Variants in CTXND2 observed in about 807,000 individuals in gnomAD.
CTXND2 encodes cortexin domain containing 2.
At chr1:150,895,293 C>G (rs1668901910) in intron 1 of CTXND2, among the ~76,000 whole-genome samples, 1 of 151,664 alleles carries the variant, frequency 6.6e-6, no homozygotes, top group South Asian at 2.1e-4. Context: ...TTTTGTCTGC[C>G]CAACATCCAA....
At chr1:150,894,844 T>C (rs1571598059) in intron 1 of CTXND2, among the ~76,000 whole-genome samples, 1 of 152,246 alleles carries the variant, frequency 6.6e-6, no homozygotes, top group Non-Finnish European at 1.5e-5. Flanking sequence ...GAGACCAGCC[T>C]GGCCAACATG....
Position 150,912,248 on chromosome 1 carries a change from G to C in CTXND2, c.-67G>C. 2.5e-6 allele frequency: 1 copy of C among 398,076 alleles called. No homozygotes were observed. The highest frequency in any genetic ancestry group is 1.3e-4 in the South Asian group (1 of 7,452). 24.7% of individuals were successfully genotyped at this position (398,076 alleles called of 1,614,324 possible). A position where few individuals can be genotyped will look rare whatever the true frequency, so the allele number is the denominator to read the frequency against. On this transcript the variant is annotated 5_prime_UTR_variant, in exon 2 of 2. The change abolishes an upstream ATG in the 5' untranslated region. Transcript: ENST00000636087. ...TTTATCCTCCTTTGTCTAGGAATAT[G>C]ACAAATCTGAAGCTATACCTGAGGA...
chr1:150,892,862 T>C (rs969550273), intron 1 of CTXND2, among the ~76,000 whole-genome samples: 2 of 152,120 alleles, frequency 1.3e-5, no homozygotes, highest in African/African-American at 2.4e-5. Flanking sequence ...TCCTTGAGCC[T>C]TTGAGTTCCT....
intron 1 of CTXND2, among the ~76,000 whole-genome samples, chr1:150,908,196 G>T (rs1341953669): frequency 6.6e-6 from 1 of 150,516 alleles, no homozygotes; most frequent in Non-Finnish European, 1.5e-5. Context: ...AGAGAGGAAG[G>T]TTTGCCATGT....
At chr1:150,911,458 T>C (rs12729482) in intron 1 of CTXND2, among the ~76,000 whole-genome samples, 2 of 150,198 alleles carry the variant, frequency 1.3e-5, no homozygotes, top group African/African-American at 4.9e-5. Flanking sequence ...TTTTTTGAGG[T>C]GGGGTCTCGC....
chr1:150,906,660 T>C (rs1669151443), intron 1 of CTXND2, among the ~76,000 whole-genome samples: 1 of 152,170 alleles, frequency 6.6e-6, no homozygotes, highest in South Asian at 2.1e-4. Context: ...ACTGGAATAA[T>C]CTGTGCTGGC....
intron 1 of CTXND2, among the ~76,000 whole-genome samples, chr1:150,888,266 T>A (rs1422702516): frequency 6.6e-6 from 1 of 150,552 alleles, no homozygotes; most frequent in Non-Finnish European, 1.5e-5. Flanking sequence ...TAGGCTGGAG[T>A]GCAGTGGCGC....
chr1:150,889,191 C>T (rs1300100687), intron 1 of CTXND2, among the ~76,000 whole-genome samples: 1 of 151,950 alleles, frequency 6.6e-6, no homozygotes, highest in Non-Finnish European at 1.5e-5. Flanking sequence ...GGGCGGATCA[C>T]GAGGTCAGGA....
chr1:150,906,020 G>A (rs1669139520), intron 1 of CTXND2, among the ~76,000 whole-genome samples: 1 of 151,928 alleles, frequency 6.6e-6, no homozygotes, highest in African/African-American at 2.4e-5. Context: ...CTGGGGCCGG[G>A]TGTGGTGGCT....
At chr1:150,887,561 C>T (rs1312868576) in intron 1 of CTXND2, among the ~76,000 whole-genome samples, 10 of 151,998 alleles carry the variant, frequency 6.6e-5, no homozygotes, top group Admixed American at 6.6e-4. Flanking sequence ...AGACCTTTTT[C>T]GTTAGAGCTT....
intron 1 of CTXND2, among the ~76,000 whole-genome samples, chr1:150,898,601 C>G (rs975647555): frequency 6.6e-6 from 1 of 151,162 alleles, no homozygotes; most frequent in African/African-American, 2.4e-5. Flanking sequence ...ACTAAAAATA[C>G]AAAAATTAGC....
chr1:150,888,016 C>T (rs1331506762), intron 1 of CTXND2, among the ~76,000 whole-genome samples: 1 of 151,848 alleles, frequency 6.6e-6, no homozygotes, highest in Non-Finnish European at 1.5e-5. Flanking sequence ...CTACTATAAT[C>T]CCAAGAAGTG....
chr1:150,902,040 C>G (rs587630113), intron 1 of CTXND2, among the ~76,000 whole-genome samples: 1 of 152,182 alleles, frequency 6.6e-6, no homozygotes, highest in Non-Finnish European at 1.5e-5. Flanking sequence ...CCGAGGCAGG[C>G]GGATTACCTG....
chr1:150,891,717 A>G (rs896977157), intron 1 of CTXND2, among the ~76,000 whole-genome samples: 3 of 152,198 alleles, frequency 2.0e-5, no homozygotes, highest in African/African-American at 4.8e-5. Flanking sequence ...TTTCTCAAAC[A>G]TACTATATTG....
intron 1 of CTXND2, among the ~76,000 whole-genome samples, chr1:150,905,712 C>T (rs12082683): frequency 6.6e-6 from 1 of 151,968 alleles, no homozygotes; most frequent in Non-Finnish European, 1.5e-5. Context: ...AGAATAAGGC[C>T]GGGCGCAGTG....
At chr1:150,903,844 G>T in intron 1 of CTXND2, 2 of 508,640 alleles carry the variant, frequency 3.9e-6, no homozygotes, top group South Asian at 3.2e-5. Context: ...TGGGATGTCC[G>T]GCTTCAGAGT....
chr1:150,896,696 T>C (rs1197372019), intron 1 of CTXND2, among the ~76,000 whole-genome samples: 1 of 152,194 alleles, frequency 6.6e-6, no homozygotes, highest in African/African-American at 2.4e-5. Flanking sequence ...AAGTCATTCA[T>C]TCATTCAACA....
intron 1 of CTXND2, among the ~76,000 whole-genome samples, chr1:150,892,609 G>A (rs1312928845): frequency 6.7e-6 from 1 of 149,096 alleles, no homozygotes; most frequent in Non-Finnish European, 1.5e-5. Context: ...AATGAACTCG[G>A]CTCACTGCAG....
At chr1:150,889,675 A>G (rs1324764379) in intron 1 of CTXND2, among the ~76,000 whole-genome samples, 1 of 151,982 alleles carries the variant, frequency 6.6e-6, no homozygotes, top group Non-Finnish European at 1.5e-5. Flanking sequence ...AGTGTGTGTT[A>G]GCTCCAATAC....
Sources: allele counts gnomAD v4.1 joint callset (sites outside exome capture counted in the v4.1 genomes callset), GRCh38; gene constraint gnomAD v4.1.1; transcripts MANE v1.5; gene names NCBI Gene and HGNC (gene_info 2026-07-23, HGNC 2026-07-21).